Variants in UBA52 observed in about 807,000 individuals in gnomAD.
UBA52 encodes the protein ubiquitin-ribosomal protein eL40 fusion protein.
In UBA52, 1 loss-of-function variant was observed where a neutral mutation model predicts 15.3. That is an observed-to-expected ratio of 0.07 (90% CI 0.02 to 0.31). The LOEUF is 0.31. Ranked by LOEUF, UBA52 falls within the 10% of genes least tolerant of loss-of-function variation. The pLI is 1.00. For synonymous variants in UBA52, 50 were observed against 58.3 expected (o/e 0.86, Z 0.65); for missense variants, 87 against 168.0 (o/e 0.52, Z 2.66).
upstream of UBA52, among the ~76,000 whole-genome samples, chr19:18,570,167 T>C (rs1338810782): frequency 6.6e-6 from 1 of 152,052 alleles, no homozygotes; most frequent in Non-Finnish European, 1.5e-5. Flanking sequence ...AGGTAACTTC[T>C]CATTGCTCCC....
chr19:18,574,334 C>T (rs1473144773), intron 3 of UBA52, among the ~76,000 whole-genome samples: 1 of 151,866 alleles, frequency 6.6e-6, no homozygotes, highest in Non-Finnish European at 1.5e-5. Context: ...TACTCTGTCA[C>T]CCAGGCTGGA....
upstream of UBA52, among the ~76,000 whole-genome samples, chr19:18,570,205 T>TG (rs200979141): frequency 2.9e-3 from 441 of 151,790 alleles, 1 homozygote; most frequent in Non-Finnish European, 4.7e-3. Context: ...GCACTTTTTT[T>TG]TTTTGTTTTG....
the UBA52 span, among the ~76,000 whole-genome samples, chr19:18,563,884 A>C: frequency 6.6e-6 from 1 of 151,106 alleles, no homozygotes; most frequent in Non-Finnish European, 1.5e-5. Context: ...AACCTCCTAA[A>C]GTGCTGGTCT....
upstream of UBA52, among the ~76,000 whole-genome samples, chr19:18,568,182 G>T (rs146516426): frequency 6.6e-6 from 1 of 151,092 alleles, no homozygotes; most frequent in South Asian, 2.1e-4. Context: ...CAGAAGAATC[G>T]CTTGAACCCG....
upstream of UBA52, among the ~76,000 whole-genome samples, chr19:18,567,670 G>A (rs943551835): frequency 1.3e-5 from 2 of 152,204 alleles, no homozygotes; most frequent in African/African-American, 2.4e-5. Flanking sequence ...GAGAGCTCGC[G>A]TGTTCTCTGG....
upstream of UBA52, chr19:18,568,367 G>T: frequency 6.5e-7 from 1 of 1,528,376 alleles, no homozygotes; most frequent in South Asian, 1.1e-5. Flanking sequence ...GCTTGGCAAG[G>T]TGACAAAACC....
upstream of UBA52, among the ~76,000 whole-genome samples, chr19:18,570,052 G>T (rs1424005504): frequency 6.6e-6 from 1 of 152,088 alleles, no homozygotes; most frequent in East Asian, 1.9e-4. Flanking sequence ...AAGGAAATTA[G>T]GTTCTTAAAG....
intron 3 of UBA52, 59 bp from the exon 4 acceptor site, chr19:18,574,811 C>T: frequency 6.3e-7 from 1 of 1,599,896 alleles, no homozygotes; most frequent in South Asian, 1.1e-5. Context: ...GGGTCCTGCC[C>T]CTGTGACTGA....
In UBA52 at chr19:18,573,595, C is replaced by T. The variant is rs1382082968; in HGVS notation, c.104-67C>T. ...AGAAACTGGGGGTAGTGCTGGAGCT[C>T]CCCTGCAGAGGACACTGCCAGTAAT... On this transcript the variant is annotated intron_variant, in intron 2 of 4. Transcript: ENST00000442744. 3.2e-6 allele frequency: 5 copies of T among 1,544,558 alleles called. No individual in the cohort carries two copies. The African/African-American group carries it at 6.8e-5, about 21-fold the overall frequency.
chr19:18,566,919 T>A (rs537227528), upstream of UBA52, among the ~76,000 whole-genome samples: 135 of 152,330 alleles, frequency 8.9e-4, no homozygotes, highest in Admixed American at 1.9e-3. Context: ...GGTGCCTACC[T>A]TGGGGCTGGA....
chr19:18,573,564 C>T, intron 2 of UBA52, 98 bp from the exon 3 acceptor site: 1 of 1,421,482 alleles, frequency 7.0e-7, no homozygotes, highest in Non-Finnish European at 9.8e-7. Context: ...CTCAGTTGGC[C>T]TTTTGAGAAA....
chr19:18,566,845 C>T (rs1456165490), upstream of UBA52, among the ~76,000 whole-genome samples: 1 of 152,266 alleles, frequency 6.6e-6, no homozygotes, highest in Admixed American at 6.5e-5. Flanking sequence ...GAAGCAGCCT[C>T]GCAGGGGGAG....
At chr19:18,567,568 C>T (rs1290396222), upstream of UBA52, among the ~76,000 whole-genome samples, 2 of 152,204 alleles carry the variant, frequency 1.3e-5, no homozygotes, top group African/African-American at 4.8e-5. Flanking sequence ...CCCACAGTCA[C>T]CCATGGGGTG....
At chr19:18,568,556 G>A (rs756772452), upstream of UBA52, 3 of 1,613,892 alleles carry the variant, frequency 1.9e-6, no homozygotes, top group Non-Finnish European at 1.7e-6. Flanking sequence ...TCGAGGACCT[G>A]TCCCATGTCC....
At chr19:18,569,985 C>T (rs998538296), upstream of UBA52, among the ~76,000 whole-genome samples, 3 of 152,200 alleles carry the variant, frequency 2.0e-5, no homozygotes, top group Non-Finnish European at 2.9e-5. Flanking sequence ...GAGCCAAGAT[C>T]GCACCACTGC....
chr19:18,570,667 A>C (rs548467328), upstream of UBA52, among the ~76,000 whole-genome samples: 75 of 150,036 alleles, frequency 5.0e-4, 1 homozygote, highest in African/African-American at 1.8e-3. Flanking sequence ...ACCCGCCACC[A>C]CACCTGAAAA....
chr19:18,572,165 G>C (rs1403988705), intron 1 of UBA52: 1 of 152,298 alleles, frequency 6.6e-6, no homozygotes, highest in Non-Finnish European at 1.5e-5. Flanking sequence ...GCAGATCCGA[G>C]TTAATGAGAG....
At chr19:18,569,390 T>C (rs1215542308), upstream of UBA52, 1 of 152,770 alleles carries the variant, frequency 6.5e-6, no homozygotes, top group East Asian at 1.9e-4. Context: ...TACACCTAGC[T>C]GTGGCTTCTT....
chr19:18,570,507 CTTTTTTTTT>C (rs1555752289), upstream of UBA52, among the ~76,000 whole-genome samples: 1 of 44,786 alleles, frequency 2.2e-5, no homozygotes, highest in East Asian at 9.4e-4. Context: ...CGCCGTGGCA[CTTTTTTTTT>C]TTTTTTTTTT....
Sources: allele counts gnomAD v4.1 joint callset (sites outside exome capture counted in the v4.1 genomes callset), GRCh38; gene constraint gnomAD v4.1.1; transcripts MANE v1.5; gene names NCBI Gene and HGNC (gene_info 2026-07-23, HGNC 2026-07-21).